DPP6: variants seen among roughly 807,000 people sequenced by gnomAD.
The protein encoded by DPP6 is A-type potassium channel modulatory protein DPP6.
DPP6 carries 69 observed loss-of-function variants against 122.6 expected under a neutral mutation model. The ratio of observed to expected loss-of-function variants is 0.56; its 90% CI spans 0.46 to 0.69. DPP6 has a LOEUF of 0.69. Ranked by LOEUF, DPP6 falls within the 30% of genes least tolerant of loss-of-function variation. The pLI, the probability that DPP6 is intolerant of heterozygous loss-of-function variation, is 0.00. For missense variants in DPP6, 928 were observed against 1,116.9 expected (o/e 0.83, Z 2.41); for synonymous variants, 418 against 433.1 (o/e 0.97, Z 0.43).
At chr7:154,554,953 A>C (rs1829908791) in intron 4 of DPP6, among the ~76,000 whole-genome samples, 1 of 152,244 alleles carries the variant, frequency 6.6e-6, no homozygotes, top group South Asian at 2.1e-4. Flanking sequence ...AAAGTTTATC[A>C]ACAGCTCCTA....
intron 1 of DPP6, among the ~76,000 whole-genome samples, chr7:154,161,466 C>A (rs2150708532): frequency 6.6e-6 from 1 of 152,056 alleles, no homozygotes; most frequent in East Asian, 1.9e-4. Context: ...CATCGCACCC[C>A]AGCCTGGGTG....
intron 3 of DPP6, among the ~76,000 whole-genome samples, chr7:154,482,724 C>T (rs771746683): frequency 2.1e-4 from 32 of 152,192 alleles, no homozygotes; most frequent in South Asian, 4.2e-4. Context: ...CCTTAATTTG[C>T]GCCATCTTCT....
At chr7:154,471,076 C>A (rs971117217) in intron 2 of DPP6, among the ~76,000 whole-genome samples, 15 of 152,054 alleles carry the variant, frequency 9.9e-5, no homozygotes, top group African/African-American at 2.9e-4. Context: ...TATAGTGAAA[C>A]CCTGTCTCTA....
chr7:154,306,727 T>G (rs1012701597), intron 1 of DPP6, among the ~76,000 whole-genome samples: 1 of 152,184 alleles, frequency 6.6e-6, no homozygotes, highest in Admixed American at 6.5e-5. Flanking sequence ...TCTAAAGAAC[T>G]TAAATGAAGT....
chr7:154,252,048 A>G (rs1273710473), intron 1 of DPP6, among the ~76,000 whole-genome samples: 1 of 152,272 alleles, frequency 6.6e-6, no homozygotes, highest in East Asian at 1.9e-4. Flanking sequence ...GTAGAAGCCA[A>G]GGCTTGCAAT....
the DPP6 span, among the ~76,000 whole-genome samples, chr7:153,860,644 A>G: frequency 1.3e-5 from 1 of 78,702 alleles, no homozygotes; most frequent in South Asian, 5.8e-4. Context: ...AATCTTGCCC[A>G]TGCCTTCAAA....
chr7:153,845,400 T>C, the DPP6 span, among the ~76,000 whole-genome samples: 293 of 152,186 alleles, frequency 1.9e-3, 2 homozygotes, highest in African/African-American at 6.7e-3. Flanking sequence ...ACTGCTATAA[T>C]AACTCTTTTG....
chr7:154,542,802 A>C (rs1260981191), intron 4 of DPP6, among the ~76,000 whole-genome samples: 1 of 152,192 alleles, frequency 6.6e-6, no homozygotes, highest in African/African-American at 2.4e-5. Flanking sequence ...GAAGACAAAA[A>C]ATGTCATTTA....
At chr7:154,181,936 A>G (rs1798110806) in intron 1 of DPP6, among the ~76,000 whole-genome samples, 1 of 151,750 alleles carries the variant, frequency 6.6e-6, no homozygotes, top group Non-Finnish European at 1.5e-5. Flanking sequence ...TTTAGTAGAG[A>G]CGGGGTTTGG....
chr7:153,918,207 C>T (rs1800411421), intron 1 of DPP6, among the ~76,000 whole-genome samples: 1 of 152,110 alleles, frequency 6.6e-6, no homozygotes. Context: ...TACAACATGA[C>T]CCTAGGACAC....
chr7:153,852,792 T>C, the DPP6 span, among the ~76,000 whole-genome samples: 12 of 152,358 alleles, frequency 7.9e-5, no homozygotes, highest in Admixed American at 5.2e-4. Context: ...CTCTGGTATT[T>C]TCTATTCTGC....
At chr7:154,113,372 C>T (rs1346963507) in intron 1 of DPP6, among the ~76,000 whole-genome samples, 2 of 150,196 alleles carry the variant, frequency 1.3e-5, no homozygotes, top group Admixed American at 6.7e-5. Context: ...TCTACACATC[C>T]TTGTCAACAT....
chr7:154,199,200 G>C (rs897344506), intron 1 of DPP6, among the ~76,000 whole-genome samples: 6 of 152,134 alleles, frequency 3.9e-5, no homozygotes, highest in African/African-American at 1.2e-4. Flanking sequence ...TTTGGAGAAG[G>C]CTTGTGGGCT....
At chr7:154,521,968 C>CA (rs1827016422) in intron 3 of DPP6, among the ~76,000 whole-genome samples, 1 of 149,678 alleles carries the variant, frequency 6.7e-6, no homozygotes, top group South Asian at 2.1e-4. Flanking sequence ...CTTTCTAACT[C>CA]TTTTTTTTTT....
intron 1 of DPP6, among the ~76,000 whole-genome samples, chr7:154,216,662 T>A (rs1007744555): frequency 6.6e-6 from 1 of 152,084 alleles, no homozygotes; most frequent in African/African-American, 2.4e-5. Context: ...ATTCTTCTAT[T>A]ACCCAGGGAA....
chr7:153,786,408 G>A, the DPP6 span, among the ~76,000 whole-genome samples: 7 of 151,256 alleles, frequency 4.6e-5, no homozygotes, highest in Non-Finnish European at 1.0e-4. Context: ...CTATAAAAAT[G>A]TTCACATCCC....
chr7:153,970,694 C>A (rs1795977784), intron 1 of DPP6, among the ~76,000 whole-genome samples: 1 of 152,134 alleles, frequency 6.6e-6, no homozygotes, highest in Non-Finnish European at 1.5e-5. Flanking sequence ...GATCAAGGAT[C>A]ATTTCTGCTG....
chr7:153,992,401 A>ACTCTTTCATT (rs1797220890), intron 1 of DPP6, among the ~76,000 whole-genome samples: 2 of 151,802 alleles, frequency 1.3e-5, no homozygotes, highest in Admixed American at 1.3e-4. Context: ...TTTGACACTT[A>ACTCTTTCATT]TAATATCTCT....
chr7:154,431,768 C>T (rs1029259906), intron 1 of DPP6, among the ~76,000 whole-genome samples: 13 of 152,002 alleles, frequency 8.6e-5, no homozygotes, highest in Non-Finnish European at 1.2e-4. Context: ...CTCCTGACCT[C>T]GTGATCCGCC....
Sources: allele counts gnomAD v4.1 joint callset (sites outside exome capture counted in the v4.1 genomes callset), GRCh38; gene constraint gnomAD v4.1.1; transcripts MANE v1.5; gene names NCBI Gene and HGNC (gene_info 2026-07-23, HGNC 2026-07-21).